The following TASP1 variants were observed in gnomAD, a reference collection of about 807,000 sequenced individuals.
TASP1 encodes taspase 1.
In TASP1, 16 loss-of-function variants were observed where a neutral mutation model predicts 56.6. The observed-to-expected ratio is 0.28, with a 90% CI of 0.19 to 0.43. The LOEUF (loss-of-function observed/expected upper bound fraction) is 0.43, where lower values mean the gene tolerates loss of function less well. Ranked by LOEUF, TASP1 falls within the 20% of genes least tolerant of loss-of-function variation. The pLI is 1.00. For missense variants in TASP1, 393 were observed against 511.6 expected, an observed-to-expected ratio of 0.77 and a Z score of 2.24; for synonymous variants, 179 against 184.2, an observed-to-expected ratio of 0.97 and a Z score of 0.23.
chr20:13,369,424 C>A, the TASP1 span, among the ~76,000 whole-genome samples: 2 of 152,292 alleles, frequency 1.3e-5, no homozygotes, highest in African/African-American at 4.8e-5. Flanking sequence ...CCAGCCCATA[C>A]AACAGAGCAA....
At chr20:13,362,834 T>TATATATATATATATAC in the TASP1 span, among the ~76,000 whole-genome samples, 1 of 130,616 alleles carries the variant, frequency 7.7e-6, no homozygotes, top group African/African-American at 3.1e-5. Context: ...TATATATATA[T>TATATATATATATATAC]ATATTTGTCT....
chr20:13,149,661 T>C, the TASP1 span, among the ~76,000 whole-genome samples: 2 of 152,154 alleles, frequency 1.3e-5, no homozygotes, highest in Non-Finnish European at 2.9e-5. Context: ...GGTTTAAAGA[T>C]AGGAAAGATA....
At chr20:13,382,096 C>T in the TASP1 span, among the ~76,000 whole-genome samples, 2 of 152,044 alleles carry the variant, frequency 1.3e-5, no homozygotes, top group Middle Eastern at 3.2e-3. Context: ...GAGAGGCAGC[C>T]CCAGTCTTCT....
chr20:13,157,582 C>T, the TASP1 span, among the ~76,000 whole-genome samples: 4 of 151,836 alleles, frequency 2.6e-5, no homozygotes, highest in African/African-American at 7.3e-5. Context: ...GAAAAAAATG[C>T]ACATCTCATT....
chr20:13,412,347 T>C (rs2042120326), intron 13 of TASP1, among the ~76,000 whole-genome samples: 1 of 152,216 alleles, frequency 6.6e-6, no homozygotes, highest in South Asian at 2.1e-4. Context: ...TCAGAGGTTT[T>C]TGTCTCCTAG....
In TASP1 at chr20:13,435,129, A is replaced by G; in HGVS notation, c.1011T>C (p.Asp337=). 2 of 1,607,992 alleles carry G rather than the reference A, an allele frequency of 1.2e-6. No individual in the cohort carries two copies. The highest frequency in any genetic ancestry group is 2.7e-5 in the African/African-American group (2 of 74,894). The stretch of plus-strand genomic sequence containing the variant: ...GGACAATCACTCCGCCAAGCACGCC[A>G]TCTTCACTGGCAAGGAAAGGTGAAC... ...FISSPFLASE[D]GVLGGVIVLR... is the part of the protein sequence containing the mutation. Residue 337 remains aspartate (D), a synonymous_variant, in exon 12 of 14, where the codon GAT becomes GAC. Coordinates refer to ENST00000337743, the MANE Select transcript of TASP1 (RefSeq NM_017714.3).
chr20:13,313,572 G>A, the TASP1 span, among the ~76,000 whole-genome samples: 1 of 152,116 alleles, frequency 6.6e-6, no homozygotes, highest in African/African-American at 2.4e-5. Flanking sequence ...ATTCGGGCTC[G>A]GGAGACTGCC....
chr20:13,494,300 T>C (rs2043644013), intron 10 of TASP1, among the ~76,000 whole-genome samples: 1 of 152,224 alleles, frequency 6.6e-6, no homozygotes, highest in South Asian at 2.1e-4. Flanking sequence ...AATAGTTTTA[T>C]ATTCCTCACA....
chr20:13,482,574 A>G, intron 11 of TASP1, among the ~76,000 whole-genome samples: 1 of 152,158 alleles, frequency 6.6e-6, no homozygotes, highest in East Asian at 1.9e-4. Flanking sequence ...TGTCCTCTTC[A>G]ATTTTGTTTC....
At chr20:13,562,921 G>GCA (rs1568586032) in intron 7 of TASP1, among the ~76,000 whole-genome samples, 2 of 138,650 alleles carry the variant, frequency 1.4e-5, no homozygotes, top group African/African-American at 5.2e-5. Flanking sequence ...ATATATGTGT[G>GCA]TGTGTGTGTG....
the TASP1 span, among the ~76,000 whole-genome samples, chr20:13,375,483 T>C: frequency 6.6e-6 from 1 of 152,236 alleles, no homozygotes; most frequent in Non-Finnish European, 1.5e-5. Flanking sequence ...CAGTCTATCA[T>C]TGATGGGCAT....
At chr20:13,306,437 C>T in the TASP1 span, among the ~76,000 whole-genome samples, 5 of 151,842 alleles carry the variant, frequency 3.3e-5, no homozygotes, top group African/African-American at 4.8e-5. Context: ...ATTAGACATG[C>T]GGTTTTGCTT....
At chr20:13,272,236 C>T in the TASP1 span, among the ~76,000 whole-genome samples, 1 of 152,300 alleles carries the variant, frequency 6.6e-6, no homozygotes. Flanking sequence ...CCTCTCTCTC[C>T]ACAGACTAAC....
the TASP1 span, among the ~76,000 whole-genome samples, chr20:13,267,167 C>T: frequency 6.6e-6 from 1 of 152,144 alleles, no homozygotes; most frequent in Non-Finnish European, 1.5e-5. Flanking sequence ...TGGGGGCATG[C>T]CATTGCAAGG....
the TASP1 span, among the ~76,000 whole-genome samples, chr20:13,163,093 C>G: frequency 9.9e-5 from 15 of 152,188 alleles, no homozygotes; most frequent in African/African-American, 3.6e-4. Context: ...AGAGGTCGGG[C>G]GCAGTGGCTC....
At chr20:13,545,319 G>A (rs955014800) in intron 8 of TASP1, among the ~76,000 whole-genome samples, 1 of 152,056 alleles carries the variant, frequency 6.6e-6, no homozygotes, top group Admixed American at 6.6e-5. Flanking sequence ...CTAGAAAATC[G>A]AATGTCATTC....
chr20:13,548,540 A>C (rs6033756), intron 8 of TASP1, among the ~76,000 whole-genome samples: 91,182 of 151,964 alleles, frequency 0.6, 28,272 homozygotes, highest in Non-Finnish European at 0.68. Flanking sequence ...GGCAGGGGAA[A>C]ATAAAGAGCA....
At chr20:13,156,094 T>C in the TASP1 span, among the ~76,000 whole-genome samples, 2 of 152,104 alleles carry the variant, frequency 1.3e-5, no homozygotes, top group African/African-American at 4.8e-5. Flanking sequence ...ACACATACAT[T>C]TATTCAAAAT....
the TASP1 span, among the ~76,000 whole-genome samples, chr20:13,194,543 ATG>A: frequency 0.035 from 4,957 of 142,280 alleles, 87 homozygotes; most frequent in East Asian, 0.082. Flanking sequence ...TCACCAAGAA[ATG>A]TGTGTGTGTG....
Sources: gnomAD v4.1 joint callset for allele counts (sites outside exome capture counted in the v4.1 genomes callset) on GRCh38, gnomAD v4.1.1 for gene constraint, MANE v1.5 for transcripts, NCBI Gene and HGNC (gene_info 2026-07-23, HGNC 2026-07-21) for gene names.